The following SLIT2 variants were observed in gnomAD, a reference collection of about 807,000 sequenced individuals.
The protein encoded by SLIT2 is slit guidance ligand 2, also known as slit homolog 2 protein.
A neutral mutation model predicts 185.7 loss-of-function variants in SLIT2; 41 were observed. That is an observed-to-expected ratio of 0.22 (90% CI 0.17 to 0.29). The LOEUF (loss-of-function observed/expected upper bound fraction) is 0.29. SLIT2 is among the 10% of genes least tolerant of loss of function. The pLI is 1.00. For synonymous variants in SLIT2, 693 were observed against 680.2 expected (o/e 1.02, Z -0.29); for missense variants, 1,571 against 1,909.0 (o/e 0.82, Z 3.30).
At chr4:20,541,348 G>T in intron 19 of SLIT2, 105 bp from the exon 20 acceptor site, 1 of 906,104 alleles carries the variant, frequency 1.1e-6, no homozygotes, top group Non-Finnish European at 1.7e-6. Context: ...AAAGAAGAAG[G>T]AATCATTCCA....
At chr4:20,490,455 GTA>G (rs752979227) in intron 8 of SLIT2, among the ~76,000 whole-genome samples, 2 of 151,180 alleles carry the variant, frequency 1.3e-5, no homozygotes, top group Non-Finnish European at 3.0e-5. Flanking sequence ...GGGTGTGTGT[GTA>G]TATATATATA....
Position 20,617,443 on chromosome 4 carries a change from G to C in SLIT2, c.4141G>C (p.Val1381Leu). Reference protein sequence around the residue: ...TNDPCLGNKCVHGTCLPINAF... With the variant: ...TNDPCLGNKCLHGTCLPINAF... ...CTGTGTTCCTCCTCCCTGTAGATGC[G>C]TACATGGCACCTGCTTGCCCATCAA... The change falls in exon 36 of 37, where the codon GTA becomes CTA. Residue 1381 changes from valine to leucine, a missense_variant. Physicochemically the swap from Val to Leu is conservative, Grantham distance 32. Coordinates refer to ENST00000504154, the MANE Select transcript of SLIT2 (RefSeq NM_004787.4). The C allele has an allele frequency of 1.9e-6, 3 of 1,613,710 alleles. No homozygotes were observed. Among genetic ancestry groups the C allele is most frequent in the Admixed American group, 1.7e-5 (1 of 60,006 alleles).
intron 29 of SLIT2, among the ~76,000 whole-genome samples, chr4:20,578,928 C>T (rs1489559038): frequency 6.6e-6 from 1 of 152,122 alleles, no homozygotes; most frequent in Non-Finnish European, 1.5e-5. Flanking sequence ...TTTTGATAAG[C>T]AGGCTTTGAG....
chr4:20,483,585 AT>A (rs1203950509), intron 6 of SLIT2, among the ~76,000 whole-genome samples: 1 of 152,042 alleles, frequency 6.6e-6, no homozygotes, highest in Non-Finnish European at 1.5e-5. Context: ...ATTTAGTGTA[AT>A]TTAATTGTAG....
At chr4:20,594,253 A>ATGTGTG (rs1332576559) in intron 30 of SLIT2, among the ~76,000 whole-genome samples, 1 of 149,652 alleles carries the variant, frequency 6.7e-6, no homozygotes, top group Non-Finnish European at 1.5e-5. Flanking sequence ...ACATATACAT[A>ATGTGTG]TACATACACG....
intron 4 of SLIT2, among the ~76,000 whole-genome samples, chr4:20,354,900 T>TGA (rs1265750841): frequency 1.8e-3 from 210 of 113,894 alleles, no homozygotes; most frequent in African/African-American, 6.4e-3. Flanking sequence ...TGTGTGTGTG[T>TGA]GTGTGTGAGA....
chr4:20,522,111 G>A (rs1254774180), intron 12 of SLIT2, among the ~76,000 whole-genome samples: 3 of 151,882 alleles, frequency 2.0e-5, no homozygotes, highest in Non-Finnish European at 2.9e-5. Context: ...ATAATAACAC[G>A]CTTCAGACCA....
At chr4:20,474,178 A>C (rs1715858769) in intron 5 of SLIT2, among the ~76,000 whole-genome samples, 1 of 152,006 alleles carries the variant, frequency 6.6e-6, no homozygotes, top group African/African-American at 2.4e-5. Context: ...AAATGAAGGT[A>C]AGGTCTTTTA....
chr4:20,566,614 A>G (rs1015888770), intron 26 of SLIT2, among the ~76,000 whole-genome samples: 2 of 152,104 alleles, frequency 1.3e-5, no homozygotes, highest in African/African-American at 4.8e-5. Flanking sequence ...AGAGGAAGAT[A>G]CAGAAACATC....
chr4:20,342,256 G>C (rs1397137426), intron 4 of SLIT2, among the ~76,000 whole-genome samples: 2 of 152,098 alleles, frequency 1.3e-5, no homozygotes, highest in Non-Finnish European at 2.9e-5. Context: ...GGTTGATGAT[G>C]CAGATTTCAT....
intron 4 of SLIT2, among the ~76,000 whole-genome samples, chr4:20,394,288 G>A (rs934386216): frequency 5.2e-4 from 79 of 151,912 alleles, no homozygotes; most frequent in African/African-American, 1.9e-3. Context: ...AGCTTACGTG[G>A]TATCATTTTG....
chr4:20,448,110 C>T (rs16869609), intron 4 of SLIT2, among the ~76,000 whole-genome samples: 14,546 of 152,108 alleles, frequency 0.096, 784 homozygotes, highest in Non-Finnish European at 0.12. Flanking sequence ...ACTTAACTGT[C>T]GTTCATTGTG....
intron 4 of SLIT2, among the ~76,000 whole-genome samples, chr4:20,420,015 A>G (rs904134082): frequency 9.9e-5 from 15 of 152,162 alleles, no homozygotes; most frequent in African/African-American, 3.6e-4. Context: ...TTGAAATAAA[A>G]TAGGGCCAAA....
chr4:20,533,877 C>T (rs978459742), intron 18 of SLIT2, among the ~76,000 whole-genome samples, 162 bp downstream of exon 18: 2 of 151,978 alleles, frequency 1.3e-5, no homozygotes, highest in Non-Finnish European at 2.9e-5. Context: ...CACACACACA[C>T]ATGTATTGTG....
chr4:20,307,044 A>ACCTT (rs141169053), intron 4 of SLIT2, among the ~76,000 whole-genome samples: 8 of 147,970 alleles, frequency 5.4e-5, no homozygotes, highest in Non-Finnish European at 4.5e-5. Flanking sequence ...CTTTTTACCT[A>ACCTT]CCTTCCTTCC....
At chr4:20,262,394 C>T (rs1270074554) in intron 3 of SLIT2, among the ~76,000 whole-genome samples, 1 of 151,746 alleles carries the variant, frequency 6.6e-6, no homozygotes, top group African/African-American at 2.4e-5. Flanking sequence ...TGAAAGAAAG[C>T]ATCATTTATC....
intron 5 of SLIT2, among the ~76,000 whole-genome samples, chr4:20,472,274 ATC>A (rs1230046176): frequency 7.2e-4 from 25 of 34,498 alleles, no homozygotes; most frequent in African/African-American, 1.3e-3. Context: ...ATAGATATAT[ATC>A]TATATATATA....
intron 4 of SLIT2, among the ~76,000 whole-genome samples, chr4:20,283,111 T>TGTGCGC (rs1553871904): frequency 2.8e-5 from 4 of 143,640 alleles, no homozygotes; most frequent in African/African-American, 1.1e-4. Context: ...TGTGCCTGTG[T>TGTGCGC]GCGCGCGCGC....
intron 4 of SLIT2, among the ~76,000 whole-genome samples, chr4:20,412,204 T>TA (rs548038361): frequency 0.077 from 11,333 of 146,462 alleles, 541 homozygotes; most frequent in Non-Finnish European, 0.11. Flanking sequence ...CTTGGTTAAT[T>TA]AAAAAAAAAA....
Sources: allele counts gnomAD v4.1 joint callset (sites outside exome capture counted in the v4.1 genomes callset), GRCh38; gene constraint gnomAD v4.1.1; transcripts MANE v1.5; gene names NCBI Gene and HGNC (gene_info 2026-07-23, HGNC 2026-07-21).